The following ADAMTSL1 variants were observed in gnomAD, a reference collection of about 807,000 sequenced individuals.
ADAMTSL1 encodes the protein ADAMTS-like protein 1.
Under a neutral mutation model 201.8 loss-of-function variants are expected in ADAMTSL1, and 126 were observed. The ratio of observed to expected loss-of-function variants is 0.62; its 90% CI spans 0.54 to 0.72. The LOEUF is 0.72. Among genes scored for constraint, ADAMTSL1 ranks in the 30% least tolerant of loss-of-function variants. The pLI is 0.00. For synonymous variants in ADAMTSL1, 1,121 were observed against 903.4 expected (o/e 1.24, Z -4.32); for missense variants, 2,679 against 2,277.8 (o/e 1.18, Z -3.59).
At chr9:18,310,391 A>AC (rs1834093746) in intron 2 of ADAMTSL1, among the ~76,000 whole-genome samples, 3 of 141,946 alleles carry the variant, frequency 2.1e-5, no homozygotes, top group Non-Finnish European at 4.6e-5. Flanking sequence ...AAAAAAAAAA[A>AC]AAAAAAAACT....
chr9:18,214,610 A>T (rs976582384), intron 2 of ADAMTSL1, among the ~76,000 whole-genome samples: 3 of 152,240 alleles, frequency 2.0e-5, no homozygotes, highest in Non-Finnish European at 2.9e-5. Context: ...AATTGATAAT[A>T]GTCTTTGCAG....
At chr9:18,684,918 CT>C (rs1830732183) in intron 13 of ADAMTSL1, 118 bp downstream of exon 13, 2 of 1,399,434 alleles carry the variant, frequency 1.4e-6, no homozygotes, top group South Asian at 1.7e-5. Flanking sequence ...CTCACCAAAG[CT>C]TTTTGGCTCT....
intron 7 of ADAMTSL1, among the ~76,000 whole-genome samples, chr9:18,639,891 G>A (rs1353149508): frequency 6.6e-6 from 1 of 152,072 alleles, no homozygotes; most frequent in Non-Finnish European, 1.5e-5. Context: ...TAGTCTTCAA[G>A]GTAATATAAA....
intron 1 of ADAMTSL1, among the ~76,000 whole-genome samples, chr9:18,082,610 C>T (rs1281433958): frequency 1.3e-5 from 2 of 152,192 alleles, no homozygotes; most frequent in African/African-American, 4.8e-5. Context: ...CAAGCCTCCC[C>T]AGACCAGATG....
chr9:18,134,029 A>G (rs1826057043), intron 1 of ADAMTSL1, among the ~76,000 whole-genome samples: 1 of 152,174 alleles, frequency 6.6e-6, no homozygotes, highest in African/African-American at 2.4e-5. Flanking sequence ...AATAGTAAGG[A>G]ATGAAAATGG....
intron 2 of ADAMTSL1, among the ~76,000 whole-genome samples, chr9:18,321,536 G>T (rs1834619028): frequency 6.6e-6 from 1 of 152,194 alleles, no homozygotes. Flanking sequence ...GCTCACGCCT[G>T]TAATCCCAGC....
At position 18,681,863 on chromosome 9, in the gene ADAMTSL1, G is replaced by A. The variant is rs376424763; in HGVS notation, c.1393G>A (p.Asp465Asn). The part of the protein sequence containing the change: ...GLRYRVVLCI[D>N]HRGMHTGGCS... The stretch of plus-strand genomic sequence containing the variant: ...CAGATACCGTGTGGTCCTCTGCATC[G>A]ACCATCGAGGAATGCACACAGGAGG... The change falls in exon 12 of 29, where the codon GAC becomes AAC. Residue 465 changes from aspartate to asparagine, a missense_variant. By Grantham distance (23) the Asp-to-Asn change is conservative (BLOSUM62 1). Transcript: ENST00000380548. The A allele has an allele frequency of 1.5e-5, 25 of 1,613,764 alleles. No individual in the cohort carries two copies. Among genetic ancestry groups the A allele is most frequent in the African/African-American group, 5.3e-5 (4 of 74,866 alleles).
chr9:18,681,943 C>T lies in ADAMTSL1; in HGVS notation c.1473C>T (p.Pro491=), dbSNP rs1168215156. 1.2e-6 allele frequency: 2 copies of T among 1,614,010 alleles called. No homozygotes were observed. The highest frequency in any genetic ancestry group is 1.7e-6 in the Non-Finnish European group (2 of 1,179,998). ...AAGAGGAATGCATCGTACCCACTCC[C>T]TGCTATAAACCCAAAGGTAACTTGA... is the stretch of plus-strand genomic sequence containing the variant. ...HIKEECIVPT[P]CYKPKEKLPV... is the part of the protein sequence containing the mutation. The change falls in exon 12 of 29, where the codon CCC becomes CCT. Residue 491 remains proline (P), a synonymous_variant. Transcript: ENST00000380548.
intron 2 of ADAMTSL1, among the ~76,000 whole-genome samples, chr9:18,205,681 T>A (rs1422168322): frequency 6.6e-6 from 1 of 152,076 alleles, no homozygotes; most frequent in Admixed American, 6.5e-5. Context: ...TCATTCATAT[T>A]TCCTGGAGCA....
At chr9:18,204,820 A>G (rs766068109) in intron 2 of ADAMTSL1, among the ~76,000 whole-genome samples, 2 of 152,236 alleles carry the variant, frequency 1.3e-5, no homozygotes, top group African/African-American at 2.4e-5. Flanking sequence ...GTAATGTAAG[A>G]TTTGAGAAGG....
At chr9:18,891,371 CAA>C (rs570793412) in intron 25 of ADAMTSL1, among the ~76,000 whole-genome samples, 62 of 144,372 alleles carry the variant, frequency 4.3e-4, no homozygotes, top group African/African-American at 1.7e-3. Context: ...TCACTAAAAC[CAA>C]AGAGTGGGAT....
chr9:18,057,230 C>T (rs921977400), intron 1 of ADAMTSL1, among the ~76,000 whole-genome samples: 18 of 152,076 alleles, frequency 1.2e-4, no homozygotes, highest in African/African-American at 4.3e-4. Flanking sequence ...TCACGGTTTT[C>T]CTGTGTGTGG....
chr9:18,589,189 T>C (rs1282685053), intron 4 of ADAMTSL1, among the ~76,000 whole-genome samples: 1 of 152,104 alleles, frequency 6.6e-6, no homozygotes, highest in African/African-American at 2.4e-5. Flanking sequence ...GTTAACAATA[T>C]TAATTCTTCT....
intron 2 of ADAMTSL1, among the ~76,000 whole-genome samples, chr9:18,260,049 A>G (rs1831854992): frequency 6.6e-6 from 1 of 152,182 alleles, no homozygotes; most frequent in South Asian, 2.1e-4. Flanking sequence ...TGAGGCTGGC[A>G]TTTAAACCGT....
chr9:18,612,052 T>C (rs1825407386), intron 4 of ADAMTSL1, among the ~76,000 whole-genome samples: 1 of 152,146 alleles, frequency 6.6e-6, no homozygotes, highest in African/African-American at 2.4e-5. Flanking sequence ...ACAAAGTGAA[T>C]CTACAGATCC....
chr9:18,715,325 A>T (rs1832858140), intron 14 of ADAMTSL1, among the ~76,000 whole-genome samples: 3 of 152,190 alleles, frequency 2.0e-5, no homozygotes, highest in African/African-American at 7.2e-5. Flanking sequence ...ACATGATTGT[A>T]TATCTAGAAA....
At chr9:18,744,973 C>T (rs561348108) in intron 15 of ADAMTSL1, among the ~76,000 whole-genome samples, 41 of 152,256 alleles carry the variant, frequency 2.7e-4, no homozygotes, top group Non-Finnish European at 4.3e-4. Context: ...TACCTCATAT[C>T]AGGAGACAGA....
chr9:18,646,629 C>T (rs1214961253), intron 7 of ADAMTSL1, among the ~76,000 whole-genome samples: 1 of 148,490 alleles, frequency 6.7e-6, no homozygotes. Context: ...AAGGCCTTTT[C>T]TGCATCTATT....
chr9:18,540,424 T>C (rs531248820), intron 3 of ADAMTSL1, among the ~76,000 whole-genome samples: 1 of 152,318 alleles, frequency 6.6e-6, no homozygotes, highest in East Asian at 1.9e-4. Context: ...AGGGTTGCTC[T>C]ACCTGAGGTG....
Sources: allele counts gnomAD v4.1 joint callset (sites outside exome capture counted in the v4.1 genomes callset), GRCh38; gene constraint gnomAD v4.1.1; transcripts MANE v1.5; gene names NCBI Gene and HGNC (gene_info 2026-07-23, HGNC 2026-07-21).